The following FAM228A variants were observed in gnomAD, a reference collection of about 807,000 sequenced individuals.
FAM228A encodes the protein protein FAM228A.
A neutral mutation model predicts 18.6 loss-of-function variants in FAM228A; 13 were observed. The observed-to-expected ratio is 0.70, with a 90% CI of 0.45 to 1.11. The LOEUF is 1.11. Among genes scored for constraint, FAM228A ranks in the 50% least tolerant of loss-of-function variants. The pLI is 0.00. For synonymous variants in FAM228A, 77 were observed against 86.6 expected (o/e 0.89, Z 0.61); for missense variants, 240 against 242.2 (o/e 0.99, Z 0.06).
chr2:24,188,594 C>T, intron 5 of FAM228A: 3 of 985,384 alleles, frequency 3.0e-6, no homozygotes, highest in Non-Finnish European at 1.2e-6. Context: ...AGACAAAAAT[C>T]CACCAAAGAT....
intron 5 of FAM228A, among the ~76,000 whole-genome samples, chr2:24,186,335 C>G (rs943831899): frequency 6.6e-6 from 1 of 152,146 alleles, no homozygotes; most frequent in African/African-American, 2.4e-5. Flanking sequence ...AATTTTATTT[C>G]TTGTTTTCCA....
intron 3 of FAM228A, among the ~76,000 whole-genome samples, chr2:24,178,729 A>G (rs1441470833): frequency 2.0e-5 from 3 of 152,174 alleles, no homozygotes; most frequent in Non-Finnish European, 4.4e-5. Flanking sequence ...TGCGCTTTCT[A>G]CTCTACCAGT....
At chr2:24,183,063 T>G (rs1417575658) in intron 3 of FAM228A, among the ~76,000 whole-genome samples, 1 of 152,152 alleles carries the variant, frequency 6.6e-6, no homozygotes, top group African/African-American at 2.4e-5. Flanking sequence ...CACGGGTATA[T>G]TGGGGTACGA....
At chr2:24,186,854 T>C (rs1344178514) in intron 5 of FAM228A, among the ~76,000 whole-genome samples, 1 of 152,156 alleles carries the variant, frequency 6.6e-6, no homozygotes, top group East Asian at 1.9e-4. Flanking sequence ...CAGGCTGGTC[T>C]CAAACTCCTG....
At chr2:24,175,633 A>C in intron 2 of FAM228A, 60 bp downstream of exon 2, 1 of 1,252,938 alleles carries the variant, frequency 8.0e-7, no homozygotes, top group Non-Finnish European at 1.2e-6. Flanking sequence ...GAGTTTGGGA[A>C]CTGTTTATCT....
At chr2:24,187,187 A>G (rs1217772835) in intron 5 of FAM228A, among the ~76,000 whole-genome samples, 4 of 152,174 alleles carry the variant, frequency 2.6e-5, no homozygotes, top group Non-Finnish European at 4.4e-5. Context: ...CAAATAAACA[A>G]CAGAAATATT....
At chr2:24,185,821 C>CTA (rs2151046822) in intron 5 of FAM228A, among the ~76,000 whole-genome samples, 1 of 152,224 alleles carries the variant, frequency 6.6e-6, no homozygotes, top group East Asian at 1.9e-4. Flanking sequence ...AAGAAACTGT[C>CTA]TAAAGGTCTT....
Position 24,191,313 on chromosome 2 carries a change from A to G in FAM228A, c.*682A>G. ...CTCCCACCCTCACCACCACACACAC[A>G]GGATGGGGGACTGCTGCTGCTTTCC... On this transcript the variant is annotated 3_prime_UTR_variant, in exon 6 of 6. Coordinates refer to ENST00000295150, the MANE Select transcript of FAM228A (RefSeq NM_001040710.3). 2.9e-5 allele frequency: 29 copies of G among 985,556 alleles called. No homozygotes were observed. The highest frequency in any genetic ancestry group is 3.5e-5 in the Non-Finnish European group (29 of 830,054). 61.1% of individuals were successfully genotyped at this position (985,556 alleles called of 1,614,324 possible).
intron 5 of FAM228A, among the ~76,000 whole-genome samples, chr2:24,188,034 A>G (rs1009336695): frequency 7.1e-6 from 1 of 141,762 alleles, no homozygotes; most frequent in African/African-American, 2.5e-5. Context: ...TCCCTCTGCC[A>G]TATTCTCCTC....
intron 5 of FAM228A, among the ~76,000 whole-genome samples, chr2:24,189,427 G>C (rs74748009): frequency 2.4e-3 from 360 of 152,278 alleles, no homozygotes; most frequent in Admixed American, 3.1e-3. Flanking sequence ...TGCTCCCTCT[G>C]TCTGTCACTG....
At chr2:24,175,732 G>A (rs1284072667) in intron 2 of FAM228A, 159 bp downstream of exon 2, 1 of 756,948 alleles carries the variant, frequency 1.3e-6, no homozygotes, top group African/African-American at 1.8e-5. Context: ...TTGGCCGAGA[G>A]TGTGGCCAAG....
At chr2:24,181,582 CGCCATGTT>C (rs1667816581) in intron 3 of FAM228A, among the ~76,000 whole-genome samples, 1 of 152,068 alleles carries the variant, frequency 6.6e-6, no homozygotes, top group Non-Finnish European at 1.5e-5. Flanking sequence ...GATGGGGTTT[CGCCATGTT>C]GGTCAGGCTG....
chr2:24,178,857 C>A (rs1039773688), intron 3 of FAM228A, among the ~76,000 whole-genome samples: 2 of 152,176 alleles, frequency 1.3e-5, no homozygotes, highest in South Asian at 4.1e-4. Flanking sequence ...TAATCTGATT[C>A]ATGAGTTAGA....
At chr2:24,179,136 TG>T in intron 3 of FAM228A, 1 of 1,106,394 alleles carries the variant, frequency 9.0e-7, no homozygotes, top group Non-Finnish European at 1.1e-6. Flanking sequence ...TTTCAGCATG[TG>T]GATACTTTTA....
At chr2:24,190,309 C>A in intron 5 of FAM228A, 103 bp from the exon 6 acceptor site, 1 of 1,368,722 alleles carries the variant, frequency 7.3e-7, no homozygotes, top group Non-Finnish European at 9.7e-7. Flanking sequence ...CGTTCCTTCT[C>A]AAAAGTGACG....
At chr2:24,183,171 C>T (rs903480819) in intron 3 of FAM228A, 114 bp from the exon 4 acceptor site, 2 of 775,030 alleles carry the variant, frequency 2.6e-6, no homozygotes, top group Admixed American at 4.2e-5. Flanking sequence ...CCCTCCTGCC[C>T]TTCCCACTCT....
At position 24,179,307 on chromosome 2, in the gene FAM228A, T is replaced by G. The variant is rs138892536; in HGVS notation, c.162+1437T>G. On this transcript the variant is annotated intron_variant, in intron 3 of 5. Coordinates refer to ENST00000295150, the MANE Select transcript of FAM228A (RefSeq NM_001040710.3). ...GCACAGACATAAAATGGTACTGATG[T>G]TTTATTTTTCAAATAGAGTATAATT... 30 of 552,790 alleles carry G rather than the reference T, an allele frequency of 5.4e-5. No homozygotes were observed. The East Asian group carries it at 3.8e-3, about 69-fold the overall frequency. The allele number at this position is 552,790 out of a possible 1,614,324, so 34.2% of individuals were successfully genotyped here. A position where few individuals can be genotyped will look rare whatever the true frequency, so the allele number is the denominator to read the frequency against.
At position 24,183,299 on chromosome 2, in the gene FAM228A, A is replaced by G. The variant is rs367635054; in HGVS notation, c.177A>G (p.Pro59=). 228 of 1,613,410 alleles carry G rather than the reference A, an allele frequency of 1.4e-4. No homozygotes were observed. In the South Asian group the frequency reaches 2.3e-3, roughly 17 times the overall value. Residue 59 remains proline, a synonymous_variant, in exon 4 of 6, where the codon CCA becomes CCG. Transcript: ENST00000295150. The part of the protein sequence containing the change: ...ENSIVKVTVP[P]FVDPLFQRQQ... ...TTCTCTTGTAGGTTACAGTCCCACC[A>G]TTTGTTGATCCTCTGTTTCAAAGAC...
intron 5 of FAM228A, among the ~76,000 whole-genome samples, chr2:24,189,709 G>A (rs1440059621): frequency 1.7e-4 from 26 of 152,198 alleles, no homozygotes; most frequent in Non-Finnish European, 8.8e-5. Context: ...ATTCCTCCGG[G>A]AGGACACACC....
Sources: allele counts gnomAD v4.1 joint callset (sites outside exome capture counted in the v4.1 genomes callset), GRCh38; gene constraint gnomAD v4.1.1; transcripts MANE v1.5; gene names NCBI Gene and HGNC (gene_info 2026-07-23, HGNC 2026-07-21).